The following DOCK8 variants were observed in gnomAD, a reference collection of about 807,000 sequenced individuals.
DOCK8 encodes dedicator of cytokinesis 8, also known as dedicator of cytokinesis protein 8.
In DOCK8, 141 loss-of-function variants were observed where a neutral mutation model predicts 245.6. The ratio of observed to expected loss-of-function variants is 0.57; its 90% CI spans 0.50 to 0.66. DOCK8 has a LOEUF of 0.66. DOCK8 is among the 30% of genes least tolerant of loss of function. The pLI is 0.00. For missense variants in DOCK8, 2,965 were observed against 2,603.4 expected (o/e 1.14, Z -3.02); for synonymous variants, 1,168 against 970.2 (o/e 1.20, Z -3.79).
intron 1 of DOCK8, among the ~76,000 whole-genome samples, chr9:237,656 G>GA (rs747318361): frequency 7.2e-5 from 11 of 152,130 alleles, no homozygotes; most frequent in Non-Finnish European, 1.5e-4. Context: ...CCCTGTCTCA[G>GA]AAAAAATAAT....
intron 1 of DOCK8, among the ~76,000 whole-genome samples, chr9:236,628 T>C (rs1348430452): frequency 2.0e-5 from 3 of 152,180 alleles, no homozygotes; most frequent in African/African-American, 4.8e-5. Context: ...AAGAGGAATA[T>C]TGAGGCTTCT....
chr9:451,945 G>GAATATACA, intron 45 of DOCK8, 66 bp from the exon 46 acceptor site: 1 of 268,050 alleles, frequency 3.7e-6, no homozygotes, highest in South Asian at 4.9e-5. Context: ...ATATATATAT[G>GAATATACA]TGTGTGTGTG....
rs180875311 is a variant in DOCK8 at position 266,837 on chromosome 9, T to C, written c.54-4790T>C. Reference sequence around the variant, plus strand: ...TATTTTGAGTTCCTTAGAAGAAGGGTATCTTAGCTCATTAAGGAAATATTA... The same window carrying C: ...TATTTTGAGTTCCTTAGAAGAAGGGCATCTTAGCTCATTAAGGAAATATTA... On this transcript the variant is annotated intron_variant, in intron 1 of 47. Transcript: ENST00000432829. Among the ~76,000 whole-genome samples, 10 of 152,286 alleles carry C rather than the reference T, an allele frequency of 6.6e-5. No individual in the cohort carries two copies. In the East Asian group the frequency reaches 1.9e-3, roughly 29 times the overall value.
chr9:397,078 C>T, intron 25 of DOCK8, 144 bp downstream of exon 25: 5 of 1,032,110 alleles, frequency 4.8e-6, no homozygotes, highest in Non-Finnish European at 7.1e-6. Flanking sequence ...TTATACTGGA[C>T]TGGACCCTGA....
chr9:315,940 G>C (rs939585225), intron 6 of DOCK8, among the ~76,000 whole-genome samples: 1 of 152,142 alleles, frequency 6.6e-6, no homozygotes, highest in Non-Finnish European at 1.5e-5. Context: ...AAAAGGTCCA[G>C]ATTGCCCTGA....
chr9:313,190 T>A (rs2050201014), intron 6 of DOCK8, among the ~76,000 whole-genome samples: 1 of 152,232 alleles, frequency 6.6e-6, no homozygotes, highest in Non-Finnish European at 1.5e-5. Context: ...ATTGACCTAC[T>A]CACCATCTAG....
chr9:376,922 A>G (rs1483294193), intron 19 of DOCK8, 55 bp from the exon 20 acceptor site: 44 of 1,478,110 alleles, frequency 3.0e-5, no homozygotes, highest in Non-Finnish European at 3.9e-5. Flanking sequence ...TTGTGAATCC[A>G]CTGGTGAACA....
intron 1 of DOCK8, among the ~76,000 whole-genome samples, chr9:240,183 C>T (rs910622531): frequency 2.0e-5 from 3 of 152,074 alleles, no homozygotes; most frequent in African/African-American, 7.2e-5. Context: ...TACCTCAAGT[C>T]TTGGGGAAAG....
At chr9:257,900 C>T (rs1456732999) in intron 1 of DOCK8, among the ~76,000 whole-genome samples, 1 of 152,188 alleles carries the variant, frequency 6.6e-6, no homozygotes, top group East Asian at 1.9e-4. Context: ...TGATAGTCTG[C>T]ATTTCTAGCT....
chr9:421,932 C>G (rs910627046), intron 32 of DOCK8, 116 bp from the exon 33 acceptor site: 3 of 923,832 alleles, frequency 3.2e-6, no homozygotes, highest in Non-Finnish European at 3.5e-6. Context: ...TGCATGGACT[C>G]TAATTAGCCC....
chr9:226,819 G>A (rs913558944), intron 1 of DOCK8, among the ~76,000 whole-genome samples: 2 of 152,130 alleles, frequency 1.3e-5, no homozygotes, highest in South Asian at 2.1e-4. Flanking sequence ...CTGAAACTCA[G>A]GGGAGAAGTC....
intron 1 of DOCK8, among the ~76,000 whole-genome samples, chr9:235,352 A>C (rs2047220145): frequency 6.6e-6 from 1 of 152,130 alleles, no homozygotes; most frequent in Non-Finnish European, 1.5e-5. Flanking sequence ...TCAGGGACCC[A>C]CTTGAGGAGG....
chr9:405,183 A>G, intron 27 of DOCK8, 110 bp downstream of exon 27: 1 of 1,171,086 alleles, frequency 8.5e-7, no homozygotes, highest in Non-Finnish European at 1.2e-6. Context: ...TTGACAAAAA[A>G]TCAAACAATT....
Position 286,532 on chromosome 9 carries a change from T to C in DOCK8, c.228T>C (p.Asp76=). 6.2e-7 allele frequency: 1 copy of C among 1,614,066 alleles called. No individual in the cohort carries two copies. Among genetic ancestry groups the C allele is most frequent in the African/African-American group, 1.3e-5 (1 of 75,036 alleles). Reference sequence around the variant, plus strand: ...TGATGACACACCTGAACAGCCTGGATGTGCAGCTTGCCCAGGAGCTCGGGG... The same window carrying C: ...TGATGACACACCTGAACAGCCTGGACGTGCAGCTTGCCCAGGAGCTCGGGG... ...GLLMTHLNSL[D]VQLAQELGDF... is the part of the protein sequence containing the mutation. Residue 76 remains aspartate (D), a synonymous_variant, in exon 3 of 48, where the codon GAT becomes GAC. Transcript: ENST00000432829.
intron 25 of DOCK8, among the ~76,000 whole-genome samples, chr9:398,557 T>G (rs988417156): frequency 6.6e-6 from 1 of 152,194 alleles, no homozygotes; most frequent in Non-Finnish European, 1.5e-5. Flanking sequence ...ATTAAAAATT[T>G]TAAAAATAGG....
chr9:393,033 C>T (rs1055954261), intron 24 of DOCK8, among the ~76,000 whole-genome samples: 2 of 139,172 alleles, frequency 1.4e-5, no homozygotes, highest in African/African-American at 5.7e-5. Flanking sequence ...CTGCAGTGAG[C>T]CTTGATCATG....
intron 10 of DOCK8, among the ~76,000 whole-genome samples, chr9:333,415 C>A (rs550456629): frequency 3.3e-5 from 5 of 152,126 alleles, no homozygotes; most frequent in Non-Finnish European, 4.4e-5. Flanking sequence ...TCCTGGCCAA[C>A]ACGGTGAAAC....
chr9:316,388 C>G (rs761043720), intron 6 of DOCK8, among the ~76,000 whole-genome samples: 39 of 152,154 alleles, frequency 2.6e-4, no homozygotes, highest in Non-Finnish European at 4.6e-4. Context: ...CTTGATATTT[C>G]TCTTTAAGTG....
At chr9:345,290 C>T (rs567560749) in intron 14 of DOCK8, among the ~76,000 whole-genome samples, 29 of 152,284 alleles carry the variant, frequency 1.9e-4, no homozygotes, top group Admixed American at 8.5e-4. Context: ...GAGGATTCAC[C>T]TCATGAATTT....
Sources: allele counts gnomAD v4.1 joint callset (sites outside exome capture counted in the v4.1 genomes callset), GRCh38; gene constraint gnomAD v4.1.1; transcripts MANE v1.5; gene names NCBI Gene and HGNC (gene_info 2026-07-23, HGNC 2026-07-21).